The following CDH11 variants were observed in gnomAD, a reference collection of about 807,000 sequenced individuals.
The protein encoded by CDH11 is cadherin 11, also known as cadherin-11.
Under a neutral mutation model 67.8 loss-of-function variants are expected in CDH11, and 11 were observed. The ratio of observed to expected loss-of-function variants is 0.16; its 90% CI spans 0.10 to 0.27. The LOEUF (loss-of-function observed/expected upper bound fraction) is 0.27, where lower values mean the gene tolerates loss of function less well. CDH11 is among the 10% of genes least tolerant of loss of function. CDH11 has a pLI of 1.00. For missense variants in CDH11, 847 were observed against 1,031.2 expected, an observed-to-expected ratio of 0.82 and a Z score of 2.45; for synonymous variants, 419 against 400.0, an observed-to-expected ratio of 1.05 and a Z score of -0.57.
At chr16:65,119,205 C>T (rs941957173) in intron 1 of CDH11, 2 of 152,090 alleles carry the variant, frequency 1.3e-5, no homozygotes, top group African/African-American at 2.4e-5. Flanking sequence ...AAGACAAGTG[C>T]ATTAAAAGAG....
intron 12 of CDH11, chr16:64,948,733 T>A: frequency 6.2e-7 from 1 of 1,603,770 alleles, no homozygotes; most frequent in Non-Finnish European, 8.5e-7. Context: ...GAAGCCCAGA[T>A]AAAGCAATCT....
chr16:64,949,615 G>A (rs570974935), intron 12 of CDH11, among the ~76,000 whole-genome samples: 8 of 151,722 alleles, frequency 5.3e-5, no homozygotes, highest in African/African-American at 1.2e-4. Flanking sequence ...TAGTAGAGAC[G>A]GGGTTTCTCC....
At chr16:64,958,050 C>A (rs1280732347) in intron 11 of CDH11, among the ~76,000 whole-genome samples, 2 of 152,158 alleles carry the variant, frequency 1.3e-5, no homozygotes, top group African/African-American at 4.8e-5. Flanking sequence ...TACCTGTACA[C>A]ATTACTGCAT....
At chr16:65,095,263 AG>A (rs1644229533) in intron 1 of CDH11, among the ~76,000 whole-genome samples, 1 of 152,136 alleles carries the variant, frequency 6.6e-6, no homozygotes, top group Non-Finnish European at 1.5e-5. Context: ...CTAATCTGGG[AG>A]ATTAGAGCTG....
rs542317136 is a variant in CDH11 at position 65,004,991 on chromosome 16, T to C, written c.-122A>G. 6 of 1,421,638 alleles carry C rather than the reference T, an allele frequency of 4.2e-6. No individual in the cohort carries two copies. The highest frequency in any genetic ancestry group is 2.9e-5 in the African/African-American group (2 of 68,714). 88.1% of individuals were successfully genotyped at this position (1,421,638 alleles called of 1,614,324 possible). On this transcript the variant is annotated 5_prime_UTR_variant, in exon 3 of 13. Transcript: ENST00000268603. ...CAGACCTCTCTTGGGATGGAATGTC[T>C]CTGCTGGTTGAGCTCATCACGTCAG...
intron 1 of CDH11, among the ~76,000 whole-genome samples, chr16:65,054,462 G>A (rs968857737): frequency 1.3e-5 from 2 of 152,170 alleles, no homozygotes; most frequent in African/African-American, 4.8e-5. Flanking sequence ...TGGGCTGACA[G>A]TGTTGCAGCT....
intron 1 of CDH11, among the ~76,000 whole-genome samples, chr16:65,064,514 A>G (rs1597150265): frequency 6.6e-6 from 1 of 152,326 alleles, no homozygotes; most frequent in East Asian, 1.9e-4. Context: ...CAATTGCCAG[A>G]TTACTGGCCT....
At chr16:65,078,047 A>C (rs539641025) in intron 1 of CDH11, among the ~76,000 whole-genome samples, 9 of 152,362 alleles carry the variant, frequency 5.9e-5, no homozygotes, top group Admixed American at 5.9e-4. Context: ...TTGCTCTAGC[A>C]ATCCTTACCC....
chr16:65,001,885 A>G (rs1483109124), intron 3 of CDH11, among the ~76,000 whole-genome samples: 1 of 151,962 alleles, frequency 6.6e-6, no homozygotes, highest in Admixed American at 6.6e-5. Context: ...GCCAATTCCT[A>G]ACTCCAAAGA....
intron 2 of CDH11, among the ~76,000 whole-genome samples, chr16:65,031,811 G>T (rs1365511107): frequency 6.6e-6 from 1 of 152,120 alleles, no homozygotes; most frequent in African/African-American, 2.4e-5. Flanking sequence ...CTGTGCTGAA[G>T]CATACAAAGA....
chr16:65,080,926 C>T (rs996724607), intron 1 of CDH11, among the ~76,000 whole-genome samples: 10 of 152,152 alleles, frequency 6.6e-5, no homozygotes, highest in Non-Finnish European at 1.2e-4. Context: ...GTATCTCTAG[C>T]ATATTGATGC....
Position 64,946,980 on chromosome 16 carries a change from G to T in CDH11, c.*623C>A, listed in dbSNP as rs1015960796. On this transcript the variant is annotated 3_prime_UTR_variant, in exon 13 of 13. Coordinates refer to ENST00000268603, the MANE Select transcript of CDH11 (RefSeq NM_001797.4). ...ACATTAAAAATGACATAGAAATAGG[G>T]CGTCTCTCACTGAAACAAGACAGTT... is the stretch of plus-strand genomic sequence containing the variant. 3 of 964,284 alleles carry T rather than the reference G, an allele frequency of 3.1e-6. No individual in the cohort carries two copies. In the African/African-American group the frequency reaches 5.2e-5, roughly 17 times the overall value. 59.7% of individuals were successfully genotyped at this position (964,284 alleles called of 1,614,324 possible). A position where few individuals can be genotyped will look rare whatever the true frequency, so the allele number is the denominator to read the frequency against.
chr16:65,083,318 C>G (rs1388612627), intron 1 of CDH11, among the ~76,000 whole-genome samples: 1 of 152,180 alleles, frequency 6.6e-6, no homozygotes, highest in Non-Finnish European at 1.5e-5. Context: ...TTGCTTTACT[C>G]ACTGACTAAT....
intron 1 of CDH11, among the ~76,000 whole-genome samples, chr16:65,102,512 CT>C (rs1567580274): frequency 6.6e-6 from 1 of 152,228 alleles, no homozygotes; most frequent in Non-Finnish European, 1.5e-5. Context: ...TAACTCTGGA[CT>C]TGCCCATATG....
intron 1 of CDH11, among the ~76,000 whole-genome samples, chr16:65,078,366 C>T (rs559915937): frequency 3.9e-5 from 6 of 152,264 alleles, no homozygotes; most frequent in African/African-American, 9.6e-5. Context: ...GTGATACATT[C>T]GTGCTTCTGG....
intron 1 of CDH11, among the ~76,000 whole-genome samples, chr16:65,061,706 T>A (rs1251320897): frequency 1.3e-5 from 2 of 152,236 alleles, no homozygotes; most frequent in Non-Finnish European, 2.9e-5. Context: ...AAGGCATGAA[T>A]GCCATCATGT....
intron 1 of CDH11, among the ~76,000 whole-genome samples, chr16:65,108,508 G>A (rs1184995630): frequency 6.6e-6 from 1 of 152,152 alleles, no homozygotes; most frequent in Non-Finnish European, 1.5e-5. Flanking sequence ...ATATAGCAGT[G>A]TCTATGAAGA....
Position 64,978,838 on chromosome 16 carries a change from A to T in CDH11, c.1253+3210T>A, listed in dbSNP as rs28788896. ...AGCTAAAAGCATAAAGTTTATTTTT[A>T]AAAAATGTGTAAATCATTCATGACT... On this transcript the variant is annotated intron_variant, in intron 8 of 12. Transcript: ENST00000268603. Among the ~76,000 whole-genome samples the T allele has an allele frequency of 2.3e-3, 350 of 152,320 alleles. 2 individuals are homozygous for T. The highest frequency in any genetic ancestry group is 7.5e-3 in the African/African-American group (312 of 41,568).
chr16:65,123,585 T>TC (rs1485277589), upstream of CDH11: 1 of 152,048 alleles, frequency 6.6e-6, no homozygotes, highest in Non-Finnish European at 1.5e-5. Context: ...AGCCCGCGGG[T>TC]CCCGAGCGCC....
Sources: gnomAD v4.1 joint callset for allele counts (sites outside exome capture counted in the v4.1 genomes callset) on GRCh38, gnomAD v4.1.1 for gene constraint, MANE v1.5 for transcripts, NCBI Gene and HGNC (gene_info 2026-07-23, HGNC 2026-07-21) for gene names.